The following ZYG11A variants were observed in gnomAD, a reference collection of about 807,000 sequenced individuals.
ZYG11A encodes the protein zyg-11 family member A, cell cycle regulator, also known as protein zyg-11 homolog A.
Under a neutral mutation model 77.2 loss-of-function variants are expected in ZYG11A, and 62 were observed. The observed-to-expected ratio is 0.80, with a 90% confidence interval of 0.65 to 0.99. ZYG11A has a LOEUF of 0.99. Among genes scored for constraint, ZYG11A ranks in the 50% least tolerant of loss-of-function variants. The pLI is 0.00. For synonymous variants in ZYG11A, 315 were observed against 324.6 expected, an observed-to-expected ratio of 0.97 and a Z score of 0.32; for missense variants, 828 against 896.8, an observed-to-expected ratio of 0.92 and a Z score of 0.98.
intron 4 of ZYG11A, among the ~76,000 whole-genome samples, chr1:52,862,513 C>G (rs979927243): frequency 6.6e-6 from 1 of 151,608 alleles, no homozygotes; most frequent in South Asian, 2.1e-4. Context: ...GGGGTTTCAC[C>G]GTGTTAGCCA....
At chr1:52,888,050 A>G (rs1207716364) in intron 13 of ZYG11A, among the ~76,000 whole-genome samples, 1 of 152,212 alleles carries the variant, frequency 6.6e-6, no homozygotes, top group Admixed American at 6.5e-5. Context: ...TAATGCCAGC[A>G]AAAATCAGAA....
chr1:52,853,290 C>T (rs1220542727), intron 1 of ZYG11A, among the ~76,000 whole-genome samples: 2 of 152,336 alleles, frequency 1.3e-5, no homozygotes, highest in Middle Eastern at 3.4e-3. Context: ...TTCCAAAAAT[C>T]ATGAGTCAGG....
chr1:52,894,881 G>A lies in ZYG11A; in HGVS notation c.*1924G>A, dbSNP rs540843749. The A allele has an allele frequency of 6.6e-6, 1 of 152,322 alleles. No homozygotes were observed. The highest frequency in any genetic ancestry group is 2.4e-5 in the African/African-American group (1 of 41,576). 9.4% of individuals were successfully genotyped at this position (152,322 alleles called of 1,614,324 possible). The stretch of plus-strand genomic sequence containing the variant: ...CTTATTCTAATGTGAGGATGTGTTA[G>A]GGGAACTAGTGTGTTAAGTCCAATT... On this transcript the variant is annotated 3_prime_UTR_variant, in exon 14 of 14. Coordinates refer to ENST00000371528, the MANE Select transcript of ZYG11A (RefSeq NM_001004339.3).
chr1:52,863,925 G>A, intron 4 of ZYG11A, 56 bp from the exon 5 acceptor site: 2 of 1,461,976 alleles, frequency 1.4e-6, no homozygotes, highest in Admixed American at 4.4e-5. Flanking sequence ...ACATGCACAA[G>A]ACAGCATAGA....
In ZYG11A at chr1:52,877,589, C is replaced by T. The variant is rs1337073382; in HGVS notation, c.1543-93C>T. The stretch of plus-strand genomic sequence containing the variant: ...AAGTGGCAGAACTTGGGTTTAGAAC[C>T]GAGGTTTGATGCGTCTTAACATTGC... On this transcript the variant is annotated intron_variant, in intron 8 of 13. Transcript: ENST00000371528. 25 of 1,109,878 alleles carry T rather than the reference C, an allele frequency of 2.3e-5. No individual in the cohort carries two copies. In the East Asian group the frequency reaches 2.4e-4, roughly 10 times the overall value. 68.8% of individuals were successfully genotyped at this position (1,109,878 alleles called of 1,614,324 possible). A position where few individuals can be genotyped will look rare whatever the true frequency, so the allele number is the denominator to read the frequency against.
intron 5 of ZYG11A, 35 bp from the exon 6 acceptor site, chr1:52,866,468 T>A (rs1646028969): frequency 8.3e-7 from 1 of 1,202,888 alleles, no homozygotes; most frequent in East Asian, 2.6e-5. Context: ...GAATGTTACA[T>A]TTGTTCAAAA....
intron 2 of ZYG11A, 45 bp from the exon 3 acceptor site, chr1:52,856,953 A>G (rs1354335593): frequency 6.8e-7 from 1 of 1,470,742 alleles, no homozygotes; most frequent in Non-Finnish European, 9.0e-7. Flanking sequence ...CTGGAAAGAC[A>G]TGAGATCTAG....
intron 5 of ZYG11A, 56 bp from the exon 6 acceptor site, chr1:52,866,447 T>A: frequency 1.0e-6 from 1 of 999,574 alleles, no homozygotes; most frequent in Non-Finnish European, 1.5e-6. Flanking sequence ...ATGGAATCTT[T>A]GTTTAGAATG....
intron 3 of ZYG11A, among the ~76,000 whole-genome samples, chr1:52,860,117 C>A (rs1180843317): frequency 6.6e-6 from 1 of 152,162 alleles, no homozygotes; most frequent in African/African-American, 2.4e-5. Context: ...AGCAACTTGT[C>A]AATATCTACA....
chr1:52,880,212 C>T (rs533227803), intron 10 of ZYG11A, among the ~76,000 whole-genome samples: 20 of 151,698 alleles, frequency 1.3e-4, no homozygotes, highest in African/African-American at 3.6e-4. Flanking sequence ...TGAAATCATG[C>T]GTAGATGAGA....
At chr1:52,852,503 T>C (rs1335873812) in intron 1 of ZYG11A, among the ~76,000 whole-genome samples, 2 of 151,070 alleles carry the variant, frequency 1.3e-5, no homozygotes, top group East Asian at 3.9e-4. Flanking sequence ...TAGGTGGGAC[T>C]ATAGATAGGC....
intron 3 of ZYG11A, among the ~76,000 whole-genome samples, chr1:52,860,097 AAAT>A (rs1411724708): frequency 6.6e-6 from 1 of 152,234 alleles, no homozygotes; most frequent in Non-Finnish European, 1.5e-5. Context: ...ATTTCCATAT[AAAT>A]CATAAAAGCA....
chr1:52,880,962 C>CT (rs2150017701), intron 10 of ZYG11A, among the ~76,000 whole-genome samples: 1 of 152,288 alleles, frequency 6.6e-6, no homozygotes, highest in African/African-American at 2.4e-5. Context: ...TTTTACGCCA[C>CT]TAAGTTTGTG....
At chr1:52,843,422 C>T (rs979835040) in intron 1 of ZYG11A, among the ~76,000 whole-genome samples, 4 of 152,180 alleles carry the variant, frequency 2.6e-5, no homozygotes, top group Admixed American at 6.5e-5. Flanking sequence ...GTGTTGTGGA[C>T]GCAGCGCCCC....
chr1:52,888,784 G>A (rs1053702437), intron 13 of ZYG11A, among the ~76,000 whole-genome samples: 10 of 152,188 alleles, frequency 6.6e-5, no homozygotes, highest in African/African-American at 2.4e-4. Context: ...TCAGGCAACT[G>A]CCTACTTCCA....
intron 3 of ZYG11A, among the ~76,000 whole-genome samples, chr1:52,858,168 G>A (rs1167894995): frequency 1.3e-5 from 2 of 149,724 alleles, no homozygotes; most frequent in African/African-American, 2.4e-5. Context: ...AGGCCAAGGC[G>A]GGCAGATCAC....
chr1:52,855,103 C>G (rs1645785150), intron 2 of ZYG11A, among the ~76,000 whole-genome samples: 3 of 151,984 alleles, frequency 2.0e-5, no homozygotes, highest in Non-Finnish European at 2.9e-5. Context: ...TTCAGATGAT[C>G]CGTCTGCCTT....
chr1:52,855,727 A>G (rs1328109497), intron 2 of ZYG11A, among the ~76,000 whole-genome samples: 1 of 152,252 alleles, frequency 6.6e-6, no homozygotes, highest in Non-Finnish European at 1.5e-5. Flanking sequence ...ATTGTGCAAC[A>G]TGTATATCTG....
At chr1:52,860,328 A>T (rs921830895) in intron 3 of ZYG11A, among the ~76,000 whole-genome samples, 1 of 152,060 alleles carries the variant, frequency 6.6e-6, no homozygotes, top group African/African-American at 2.4e-5. Context: ...GATTACAGGC[A>T]TTAGCCACCA....
Sources: allele counts gnomAD v4.1 joint callset (sites outside exome capture counted in the v4.1 genomes callset), GRCh38; gene constraint gnomAD v4.1.1; transcripts MANE v1.5; gene names NCBI Gene and HGNC (gene_info 2026-07-23, HGNC 2026-07-21).